Variants in CACNA2D2 observed in about 807,000 individuals in gnomAD.
CACNA2D2 encodes voltage-dependent calcium channel subunit alpha-2/delta-2.
In CACNA2D2, 48 loss-of-function variants were observed where a neutral mutation model predicts 166.4. The observed-to-expected ratio is 0.29, with a 90% CI of 0.23 to 0.37. The LOEUF (loss-of-function observed/expected upper bound fraction) is 0.37. CACNA2D2 is among the 10% of genes least tolerant of loss of function. The probability of loss-of-function intolerance (pLI) is 1.00; values close to 1 mark genes in which losing one functional copy is unlikely to be tolerated. For synonymous variants in CACNA2D2, 561 were observed against 573.7 expected (o/e 0.98, Z 0.32); for missense variants, 1,122 against 1,433.0 (o/e 0.78, Z 3.50).
Position 50,375,639 on chromosome 3 carries a change from C to G in CACNA2D2, c.1907+5G>C. On this transcript the variant is annotated splice_donor_5th_base_variant and intron_variant, in intron 21 of 37. Transcript: ENST00000424201. This position sits in a 1 kb window ranked among gnomAD's most constrained non-coding sequence, Gnocchi z 4.0. ...CTCTGCCCGCCCAGCCCTGGCCTCA[C>G]TTACCTGTAGTTAGTGCTCCTTATA... 1 of 1,612,862 alleles carries G rather than the reference C, an allele frequency of 6.2e-7. No individual in the cohort carries two copies. The highest frequency in any genetic ancestry group is 8.5e-7 in the Non-Finnish European group (1 of 1,179,744).
At chr3:50,420,690 G>A (rs936293958) in intron 3 of CACNA2D2, among the ~76,000 whole-genome samples, 4 of 152,178 alleles carry the variant, frequency 2.6e-5, no homozygotes, top group African/African-American at 9.7e-5. Flanking sequence ...GTAGGTGGAC[G>A]GACAGATGAT....
intron 3 of CACNA2D2, among the ~76,000 whole-genome samples, chr3:50,425,536 C>A (rs1707766169): frequency 6.6e-6 from 1 of 152,206 alleles, no homozygotes; most frequent in South Asian, 2.1e-4. Flanking sequence ...CCCTTCCTCA[C>A]ATGCACCTAC....
rs1402223798 is a variant in CACNA2D2 at position 50,366,183 on chromosome 3, G to A, written c.2710-20C>T. ...GCCCACCTGAGGATGTCAGGAGAAAGCCATGGTCACAGGGCTGGCAGTGCT... is the reference window on the plus strand; with the variant it reads ...GCCCACCTGAGGATGTCAGGAGAAAACCATGGTCACAGGGCTGGCAGTGCT... On this transcript the variant is annotated intron_variant, in intron 31 of 37. Coordinates refer to ENST00000424201, the MANE Select transcript of CACNA2D2 (RefSeq NM_006030.4). The surrounding 1 kb of genome is among the most constrained non-coding windows in gnomAD (Gnocchi z 5.9). 1.2e-5 allele frequency: 19 copies of A among 1,613,964 alleles called. No individual in the cohort carries two copies. The highest frequency in any genetic ancestry group is 1.3e-5 in the Non-Finnish European group (15 of 1,179,938).
chr3:50,433,731 TTCCTGTTACCCC>T (rs922630047), intron 3 of CACNA2D2, among the ~76,000 whole-genome samples: 1 of 152,134 alleles, frequency 6.6e-6, no homozygotes, highest in African/African-American at 2.4e-5. Flanking sequence ...GCCCAGCGCA[TTCCTGTTACCCC>T]TCAGAACTAT....
chr3:50,428,203 G>A (rs1042071027), intron 3 of CACNA2D2, among the ~76,000 whole-genome samples: 16 of 152,170 alleles, frequency 1.1e-4, no homozygotes, highest in African/African-American at 3.9e-4. Flanking sequence ...GGCATCTAGT[G>A]GGTAGAGGGC....
At chr3:50,443,972 C>T (rs1280033557) in intron 2 of CACNA2D2, among the ~76,000 whole-genome samples, 1 of 152,130 alleles carries the variant, frequency 6.6e-6, no homozygotes, top group Non-Finnish European at 1.5e-5. Context: ...GTCATTGTGG[C>T]CCAGAGTCCT....
intron 2 of CACNA2D2, among the ~76,000 whole-genome samples, chr3:50,465,680 C>T (rs1441878413): frequency 2.0e-5 from 3 of 152,082 alleles, no homozygotes; most frequent in East Asian, 1.9e-4. Context: ...TTTCTAGGAT[C>T]GGGTGAAGGG....
At chr3:50,497,323 A>G (rs1309722699) in intron 1 of CACNA2D2, among the ~76,000 whole-genome samples, 1 of 152,204 alleles carries the variant, frequency 6.6e-6, no homozygotes, top group East Asian at 1.9e-4. Flanking sequence ...CAAGCTACCC[A>G]ACTGAGAAGA....
chr3:50,493,740 G>C (rs776621692), intron 1 of CACNA2D2, among the ~76,000 whole-genome samples: 2 of 152,228 alleles, frequency 1.3e-5, no homozygotes, highest in Admixed American at 1.3e-4. Context: ...TACTCCTCAA[G>C]GGCCCCATGA....
Position 50,489,364 on chromosome 3 carries a change from T to C in CACNA2D2, c.207-13165A>G, listed in dbSNP as rs1042227715. On this transcript the variant is annotated intron_variant, in intron 1 of 37. Transcript: ENST00000424201. ...TCTGGAAATCACCTGTGAAACATACTTCCCCCCGCGCTGGCTCAGGAACCG... is the reference window on the plus strand; with the variant it reads ...TCTGGAAATCACCTGTGAAACATACCTCCCCCCGCGCTGGCTCAGGAACCG... Among the ~76,000 whole-genome samples the C allele has an allele frequency of 2.6e-5, 4 of 152,162 alleles. No homozygotes were observed. The East Asian group carries it at 7.7e-4, about 29-fold the overall frequency.
intron 2 of CACNA2D2, among the ~76,000 whole-genome samples, chr3:50,468,380 A>AGTGTGTGTGTGTGTGTGTGTGT (rs3220659): frequency 4.8e-5 from 4 of 83,172 alleles, no homozygotes; most frequent in East Asian, 5.1e-4. Context: ...TCATCAGAAT[A>AGTGTGTGTGTGTGTGTGTGTGT]GTGTGTGTGT....
chr3:50,401,772 G>T (rs923367862), intron 3 of CACNA2D2, among the ~76,000 whole-genome samples: 1 of 151,824 alleles, frequency 6.6e-6, no homozygotes, highest in Non-Finnish European at 1.5e-5. Flanking sequence ...GCAGTGGTGC[G>T]ATCTGAGCTC....
chr3:50,445,360 C>T (rs1245346519), intron 2 of CACNA2D2, among the ~76,000 whole-genome samples: 1 of 152,174 alleles, frequency 6.6e-6, no homozygotes, highest in East Asian at 1.9e-4. Context: ...CCACAAGGCA[C>T]CGGTAAGGCA....
At position 50,380,316 on chromosome 3, in the gene CACNA2D2, G is replaced by C. The variant is rs587619546; in HGVS notation, c.843-298C>G. 2.2e-4 allele frequency among the ~76,000 whole-genome samples: 33 copies of C among 152,320 alleles called. No homozygotes were observed. Among genetic ancestry groups the C allele is most frequent in the African/African-American group, 7.9e-4 (33 of 41,560 alleles). On this transcript the variant is annotated intron_variant, in intron 8 of 37. Coordinates refer to ENST00000424201, the MANE Select transcript of CACNA2D2 (RefSeq NM_006030.4). This position sits in a 1 kb window ranked among gnomAD's most constrained non-coding sequence, Gnocchi z 4.9. ...GTGGCTTGTTGTGTCCTCTGCCTCA[G>C]GTTGGGGCCCCGAGGGCACAGTCTA...
chr3:50,470,920 T>A (rs1710061082), intron 2 of CACNA2D2, among the ~76,000 whole-genome samples: 2 of 152,062 alleles, frequency 1.3e-5, no homozygotes, highest in African/African-American at 4.8e-5. Flanking sequence ...GCCCCACGCA[T>A]CCCTGCTGGG....
intron 2 of CACNA2D2, among the ~76,000 whole-genome samples, chr3:50,447,117 A>G (rs1292361962): frequency 6.6e-6 from 1 of 152,232 alleles, no homozygotes; most frequent in Admixed American, 6.5e-5. Context: ...AAGGTGAAGA[A>G]GAAGGAAGGC....
intron 2 of CACNA2D2, among the ~76,000 whole-genome samples, chr3:50,462,433 G>GATA (rs1210920646): frequency 4.8e-5 from 6 of 123,978 alleles, no homozygotes; most frequent in South Asian, 2.5e-4. Context: ...TAATAATAAT[G>GATA]ATAATAATAA....
intron 1 of CACNA2D2, among the ~76,000 whole-genome samples, chr3:50,486,480 C>A (rs958342301): frequency 6.6e-6 from 1 of 152,114 alleles, no homozygotes; most frequent in Non-Finnish European, 1.5e-5. Flanking sequence ...TGGCCTCCTG[C>A]CTTGAAGAAG....
chr3:50,438,824 GGA>G (rs1708464711), intron 2 of CACNA2D2, among the ~76,000 whole-genome samples: 1 of 152,334 alleles, frequency 6.6e-6, no homozygotes, highest in South Asian at 2.1e-4. Context: ...GAGAGGAAAA[GGA>G]GAGAGGAGAG....
Sources: allele counts gnomAD v4.1 joint callset (sites outside exome capture counted in the v4.1 genomes callset), GRCh38; gene constraint gnomAD v4.1.1; non-coding constraint Gnocchi (gnomAD v3.1); transcripts MANE v1.5; gene names NCBI Gene and HGNC (gene_info 2026-07-23, HGNC 2026-07-21).